The following ZNF652 variants were observed in gnomAD, a reference collection of about 807,000 sequenced individuals.
ZNF652 encodes the protein zinc finger protein 652.
ZNF652 carries 16 observed loss-of-function variants against 45.2 expected under a neutral mutation model. That is an observed-to-expected ratio of 0.35 (90% confidence interval 0.24 to 0.54). The LOEUF (loss-of-function observed/expected upper bound fraction) is 0.54. Ranked by LOEUF, ZNF652 falls within the 20% of genes least tolerant of loss-of-function variation. The pLI is 0.91. For missense variants in ZNF652, 614 were observed against 765.6 expected (o/e 0.80, Z 2.34); for synonymous variants, 250 against 260.6 (o/e 0.96, Z 0.39).
intron 5 of ZNF652, among the ~76,000 whole-genome samples, chr17:49,306,659 T>C (rs2069633074): frequency 6.6e-6 from 1 of 152,242 alleles, no homozygotes; most frequent in African/African-American, 2.4e-5. Context: ...CACTAAGTCT[T>C]AAAAATGTAT....
intron 1 of ZNF652, among the ~76,000 whole-genome samples, chr17:49,338,398 G>A (rs1008137000): frequency 6.6e-6 from 1 of 152,160 alleles, no homozygotes; most frequent in Non-Finnish European, 1.5e-5. Context: ...TCTATAATGT[G>A]TGCTGGCCAA....
intron 5 of ZNF652, among the ~76,000 whole-genome samples, chr17:49,300,925 A>G (rs1421764906): frequency 6.6e-6 from 1 of 152,210 alleles, no homozygotes; most frequent in East Asian, 1.9e-4. Context: ...GCTAATGGAG[A>G]GTTAGGATTT....
At chr17:49,351,320 G>A (rs1002544773) in intron 1 of ZNF652, among the ~76,000 whole-genome samples, 1 of 151,686 alleles carries the variant, frequency 6.6e-6, no homozygotes, top group South Asian at 2.1e-4. Flanking sequence ...ACCGTGAAAC[G>A]TGCATATTTT....
intron 1 of ZNF652, among the ~76,000 whole-genome samples, chr17:49,345,978 C>T (rs1331718722): frequency 6.6e-6 from 1 of 152,106 alleles, no homozygotes; most frequent in Non-Finnish European, 1.5e-5. Context: ...ATCATCAAGC[C>T]TCAAAATATC....
intron 1 of ZNF652, among the ~76,000 whole-genome samples, chr17:49,357,341 C>T (rs1274448594): frequency 6.6e-6 from 1 of 151,938 alleles, no homozygotes; most frequent in Non-Finnish European, 1.5e-5. Context: ...ATAAAGCTGC[C>T]TTTCTGGCTA....
chr17:49,315,319 G>C (rs532199261), intron 2 of ZNF652, among the ~76,000 whole-genome samples: 1 of 152,246 alleles, frequency 6.6e-6, no homozygotes, highest in South Asian at 2.1e-4. Context: ...AGGATTACAG[G>C]TGTGAGCCAC....
intron 1 of ZNF652, among the ~76,000 whole-genome samples, chr17:49,329,799 G>C: frequency 6.6e-6 from 1 of 152,158 alleles, no homozygotes; most frequent in Non-Finnish European, 1.5e-5. Context: ...GGACAAAGGA[G>C]AGACGCACTC....
intron 1 of ZNF652, among the ~76,000 whole-genome samples, chr17:49,328,919 T>C (rs981181122): frequency 6.6e-6 from 1 of 152,228 alleles, no homozygotes; most frequent in Non-Finnish European, 1.5e-5. Flanking sequence ...CTTTTCTAAC[T>C]CCTAGTCCAA....
Position 49,296,313 on chromosome 17 carries a change from T to C in ZNF652, c.*2100A>G, listed in dbSNP as rs2069476552. ...CCAAAATTTTCCTATGCTCATTATA[T>C]AAGACAGGCAAAATCAGAAGGAGAA... On this transcript the variant is annotated 3_prime_UTR_variant, in exon 6 of 6. Coordinates refer to ENST00000430262, the MANE Select transcript of ZNF652 (RefSeq NM_001145365.3). 6.6e-6 allele frequency: 1 copy of C among 152,552 alleles called. No individual in the cohort carries two copies. The highest frequency in any genetic ancestry group is 1.5e-5 in the Non-Finnish European group (1 of 68,034). The allele number at this position is 152,552 out of a possible 1,614,324, so 9.4% of individuals were successfully genotyped here.
intron 1 of ZNF652, among the ~76,000 whole-genome samples, chr17:49,327,659 G>A (rs947563662): frequency 6.8e-5 from 10 of 146,576 alleles, no homozygotes; most frequent in African/African-American, 2.0e-4. Context: ...CAGGAGGATC[G>A]CTTGAAGCAA....
chr17:49,321,522 G>A (rs1473109661), intron 1 of ZNF652, among the ~76,000 whole-genome samples: 1 of 139,556 alleles, frequency 7.2e-6, no homozygotes, highest in African/African-American at 2.7e-5. Context: ...CACCCGCCTT[G>A]ACCTCCCAAA....
chr17:49,298,271 A>G lies in ZNF652; in HGVS notation c.*142T>C. 9.8e-7 allele frequency: 1 copy of G among 1,020,924 alleles called. No homozygotes were observed. 63.2% of individuals were successfully genotyped at this position (1,020,924 alleles called of 1,614,324 possible). A position where few individuals can be genotyped will look rare whatever the true frequency, so the allele number is the denominator to read the frequency against. On this transcript the variant is annotated 3_prime_UTR_variant, in exon 6 of 6. Coordinates refer to ENST00000430262, the MANE Select transcript of ZNF652 (RefSeq NM_001145365.3). ...GTAGTCTTCTTGTTCATTCCCTTGG[A>G]TCTGTTGATTCAGTGACACTGGCGA...
chr17:49,293,716 C>A lies in ZNF652; in HGVS notation c.*4697G>T, dbSNP rs2069435673. On this transcript the variant is annotated 3_prime_UTR_variant, in exon 6 of 6. Transcript: ENST00000430262. ...AAGTAATTTCCTATCTTGGTTCAGG[C>A]AAAGGAAAATTAAAACCCAAACTTT... Among the ~76,000 whole-genome samples, 1 of 136,520 alleles carries A rather than the reference C, an allele frequency of 7.3e-6. No homozygotes were observed. The highest frequency in any genetic ancestry group is 2.3e-4 in the South Asian group (1 of 4,292). The allele number at this position is 136,520 out of a possible 152,430, so 89.6% of individuals were successfully genotyped here.
At chr17:49,320,317 G>T (rs1313834306) in intron 1 of ZNF652, among the ~76,000 whole-genome samples, 4 of 152,140 alleles carry the variant, frequency 2.6e-5, no homozygotes, top group Non-Finnish European at 4.4e-5. Flanking sequence ...ATTTCAGGAA[G>T]GAGTGGTAAT....
chr17:49,348,285 G>A (rs1379933339), intron 1 of ZNF652, among the ~76,000 whole-genome samples: 1 of 151,784 alleles, frequency 6.6e-6, no homozygotes, highest in East Asian at 1.9e-4. Context: ...GAGATCAAGA[G>A]TTCAAGACCA....
Position 49,317,350 on chromosome 17 carries a change from G to T in ZNF652, c.376C>A (p.Gln126Lys). The change falls in exon 2 of 6, where the codon CAA (glutamine) becomes AAA (lysine). Residue 126 changes from glutamine (Q) to lysine (K), a missense_variant. Gln to Lys is a moderately conservative substitution (Grantham distance 53). Around this residue, in one of 5 missense-constraint regions of ZNF652, gnomAD observed 6 missense variants for 22.9 expected, o/e 0.26. Transcript: ENST00000430262. ...QIIVEVNLNN[Q>K]TLNVSKGEKG... Reference sequence around the variant, plus strand: ...TCCCCTTTAGATACATTTAATGTTTGATTATTAAGGTTTACCTCCACTATG... The same window carrying T: ...TCCCCTTTAGATACATTTAATGTTTTATTATTAAGGTTTACCTCCACTATG... 1 of 1,613,700 alleles carries T rather than the reference G, an allele frequency of 6.2e-7. No homozygotes were observed. Among genetic ancestry groups the T allele is most frequent in the African/African-American group, 1.3e-5 (1 of 74,954 alleles).
At chr17:49,302,833 G>A (rs375815666) in intron 5 of ZNF652, among the ~76,000 whole-genome samples, 2 of 151,680 alleles carry the variant, frequency 1.3e-5, no homozygotes, top group Non-Finnish European at 2.9e-5. Context: ...GTGGTGGCAC[G>A]CACCTGTAGT....
At chr17:49,300,002 A>G (rs2032376640) in intron 5 of ZNF652, among the ~76,000 whole-genome samples, 2 of 152,014 alleles carry the variant, frequency 1.3e-5, no homozygotes, top group African/African-American at 4.8e-5. Flanking sequence ...AATTTCTGAT[A>G]CTCCAAACAA....
At position 49,309,581 on chromosome 17, in the gene ZNF652, G is replaced by A. The variant is rs371220632; in HGVS notation, c.1309+1731C>T. 4.0e-4 allele frequency among the ~76,000 whole-genome samples: 61 copies of A among 151,192 alleles called. No homozygotes were observed. The East Asian group carries it at 5.5e-3, about 14-fold the overall frequency. ...CTGTTTAGTTCCATGTTTTCTTGCC[G>A]TATCACACACAAAAAAACCTGAACC... On this transcript the variant is annotated intron_variant, in intron 5 of 5. Coordinates refer to ENST00000430262, the MANE Select transcript of ZNF652 (RefSeq NM_001145365.3).
Sources: gnomAD v4.1 joint callset for allele counts (sites outside exome capture counted in the v4.1 genomes callset) on GRCh38, gnomAD v4.1.1 for gene constraint, gnomAD v4.1.1 regional missense constraint, MANE v1.5 for transcripts, NCBI Gene and HGNC (gene_info 2026-07-23, HGNC 2026-07-21) for gene names.